The following SKIC3 variants were observed in gnomAD, a reference collection of about 807,000 sequenced individuals.
The protein encoded by SKIC3 is SKI3 subunit of superkiller complex, also known as superkiller complex protein 3.
chr5:95,523,462 G>A, the SKIC3 span: 2 of 1,188,946 alleles, frequency 1.7e-6, no homozygotes, highest in African/African-American at 3.1e-5. Flanking sequence ...TCAAATTACA[G>A]TTTCAACAAT....
chr5:95,543,361 A>C, the SKIC3 span: 4 of 1,608,712 alleles, frequency 2.5e-6, no homozygotes, highest in Non-Finnish European at 3.4e-6. Flanking sequence ...GTAGGTTAGT[A>C]AATTTTCGAA....
the SKIC3 span, among the ~76,000 whole-genome samples, chr5:95,510,556 A>G: frequency 6.6e-6 from 1 of 152,196 alleles, no homozygotes; most frequent in Admixed American, 6.5e-5. Flanking sequence ...CATCACCCAG[A>G]TTGATAAACT....
chr5:95,492,678 A>AAAAAAAAAAAAAAAAAAAAAAC, the SKIC3 span, among the ~76,000 whole-genome samples: 1 of 142,384 alleles, frequency 7.0e-6, no homozygotes, highest in Non-Finnish European at 1.5e-5. Context: ...AAAAAAAAAA[A>AAAAAAAAAAAAAAAAAAAAAAC]AAAAAAAAAA....
the SKIC3 span, among the ~76,000 whole-genome samples, chr5:95,466,285 A>G: frequency 1.3e-5 from 2 of 152,234 alleles, no homozygotes; most frequent in South Asian, 4.1e-4. Context: ...ATTTTATAGT[A>G]AAGGCAAGAA....
At chr5:95,512,292 T>A in the SKIC3 span, among the ~76,000 whole-genome samples, 10 of 152,234 alleles carry the variant, frequency 6.6e-5, no homozygotes, top group African/African-American at 2.2e-4. Context: ...TAACAATTTT[T>A]ATCTTTCTTC....
the SKIC3 span, chr5:95,541,952 G>T: frequency 1.6e-6 from 2 of 1,250,520 alleles, no homozygotes; most frequent in Non-Finnish European, 1.2e-6. Flanking sequence ...TAAAACATTT[G>T]CTGTTCTCAC....
the SKIC3 span, chr5:95,529,266 C>G: frequency 1.4e-6 from 1 of 702,456 alleles, no homozygotes; most frequent in South Asian, 1.6e-5. Flanking sequence ...CCCCACCATA[C>G]ATTTTTCTCC....
chr5:95,540,658 T>G, the SKIC3 span: 3 of 1,612,784 alleles, frequency 1.9e-6, no homozygotes, highest in Non-Finnish European at 2.5e-6. Context: ...TCAATTTTCA[T>G]GAACAAACTT....
the SKIC3 span, among the ~76,000 whole-genome samples, chr5:95,532,527 A>G: frequency 1.7e-4 from 26 of 152,144 alleles, no homozygotes; most frequent in Non-Finnish European, 3.4e-4. Flanking sequence ...AGCTTCAACT[A>G]TCAATCCTTC....
chr5:95,466,369 T>A, the SKIC3 span, among the ~76,000 whole-genome samples: 3 of 152,198 alleles, frequency 2.0e-5, no homozygotes, highest in Admixed American at 1.3e-4. Context: ...CCATCCTATC[T>A]GCCTATTTGC....
At chr5:95,548,130 A>G in the SKIC3 span, among the ~76,000 whole-genome samples, 3 of 152,192 alleles carry the variant, frequency 2.0e-5, no homozygotes, top group South Asian at 6.2e-4. Flanking sequence ...TAATTCAATC[A>G]TAATTCAATG....
At chr5:95,469,785 C>T in the SKIC3 span, 14 of 1,613,822 alleles carry the variant, frequency 8.7e-6, no homozygotes, top group African/African-American at 1.3e-5. Context: ...CATACCTTGC[C>T]CCCATTTTGC....
the SKIC3 span, chr5:95,517,350 C>T: frequency 1.9e-6 from 3 of 1,603,278 alleles, no homozygotes; most frequent in South Asian, 3.4e-5. Context: ...GTGATTCTTA[C>T]AAATTATTTA....
chr5:95,523,567 T>C, the SKIC3 span: 2 of 1,447,746 alleles, frequency 1.4e-6, no homozygotes, highest in South Asian at 2.7e-5. Flanking sequence ...AAACTAATGA[T>C]AACTTTCAAG....
the SKIC3 span, among the ~76,000 whole-genome samples, chr5:95,498,072 C>T: frequency 6.6e-6 from 1 of 151,978 alleles, no homozygotes; most frequent in Non-Finnish European, 1.5e-5. Context: ...TAGACAGTAC[C>T]AGACAACAGA....
chr5:95,514,005 T>C, the SKIC3 span, among the ~76,000 whole-genome samples: 1 of 152,204 alleles, frequency 6.6e-6, no homozygotes, highest in African/African-American at 2.4e-5. Context: ...GTTCAATGGC[T>C]GACACAGAGG....
chr5:95,541,936 T>G, the SKIC3 span: 17 of 1,454,816 alleles, frequency 1.2e-5, no homozygotes, highest in Non-Finnish European at 1.6e-5. Context: ...TGATTATTCT[T>G]TTTCCTAAAA....
the SKIC3 span, among the ~76,000 whole-genome samples, chr5:95,474,703 T>C: frequency 6.6e-6 from 1 of 152,248 alleles, no homozygotes; most frequent in Admixed American, 6.5e-5. Context: ...TGGACTAATA[T>C]ACATTTTCCA....
At chr5:95,480,538 A>AAACATG in the SKIC3 span, among the ~76,000 whole-genome samples, 1 of 152,330 alleles carries the variant, frequency 6.6e-6, no homozygotes, top group African/African-American at 2.4e-5. Flanking sequence ...AATAGGGGAA[A>AAACATG]AACATGACAA....
Sources: allele counts gnomAD v4.1 joint callset (sites outside exome capture counted in the v4.1 genomes callset), GRCh38; gene constraint gnomAD v4.1.1; transcripts MANE v1.5; gene names NCBI Gene and HGNC (gene_info 2026-07-23, HGNC 2026-07-21).